The following SPCS3 variants were observed in gnomAD, a reference collection of about 807,000 sequenced individuals.
The protein encoded by SPCS3 is SPase 22 kDa subunit.
Under a neutral mutation model 17.2 loss-of-function variants are expected in SPCS3, and 9 were observed. That is an observed-to-expected ratio of 0.52 (90% confidence interval 0.31 to 0.91). The LOEUF is 0.91. Ranked by LOEUF, SPCS3 falls within the 40% of genes least tolerant of loss-of-function variation. The probability of loss-of-function intolerance (pLI) is 0.04; values close to 1 mark genes in which losing one functional copy is unlikely to be tolerated. For missense variants in SPCS3, 139 were observed against 217.5 expected (o/e 0.64, Z 2.27); for synonymous variants, 87 against 89.6 (o/e 0.97, Z 0.16).
At chr4:176,320,893 T>G (rs942240340) in intron 1 of SPCS3, 3 of 152,212 alleles carry the variant, frequency 2.0e-5, no homozygotes, top group African/African-American at 7.2e-5. Context: ...TTGGGTTTCT[T>G]TATTTCTTTT....
chr4:176,323,768 T>C (rs111259291), intron 2 of SPCS3, among the ~76,000 whole-genome samples: 4 of 152,278 alleles, frequency 2.6e-5, no homozygotes, highest in African/African-American at 7.2e-5. Flanking sequence ...TGTTTGCATA[T>C]TGTTAAATTT....
chr4:176,324,420 G>C (rs1731576802), intron 3 of SPCS3, among the ~76,000 whole-genome samples, 163 bp downstream of exon 3: 1 of 151,614 alleles, frequency 6.6e-6, no homozygotes, highest in Non-Finnish European at 1.5e-5. Flanking sequence ...GATCTTTTGG[G>C]AGCCTTTTTG....
intron 2 of SPCS3, 122 bp downstream of exon 2, chr4:176,322,365 C>A: frequency 1.6e-6 from 1 of 606,710 alleles, no homozygotes; most frequent in Non-Finnish European, 2.8e-6. Flanking sequence ...GGAAATTCCG[C>A]CTTTTTCATC....
chr4:176,320,504 C>T (rs959533177), intron 1 of SPCS3: 13 of 193,638 alleles, frequency 6.7e-5, no homozygotes, highest in Non-Finnish European at 1.2e-4. Context: ...GCTTCCTGTT[C>T]CTCACTTCCC....
At chr4:176,322,347 C>G (rs753627251) in intron 2 of SPCS3, 104 bp downstream of exon 2, 15 of 745,284 alleles carry the variant, frequency 2.0e-5, no homozygotes, top group Non-Finnish European at 3.0e-5. Context: ...TTGAATCAGC[C>G]AAACCTTGGA....
rs1731649941 is a variant in SPCS3, at chr4:176,329,193, GATA to G, written c.*872_*874del. The G allele has an allele frequency of 6.6e-6, 1 of 151,952 alleles. No individual in the cohort carries two copies. The highest frequency in any genetic ancestry group is 2.1e-4 in the South Asian group (1 of 4,828). The allele number at this position is 151,952 out of a possible 1,614,324, so 9.4% of individuals were successfully genotyped here. On this transcript the variant is annotated 3_prime_UTR_variant, in exon 5 of 5. Coordinates refer to ENST00000503362, the MANE Select transcript of SPCS3 (RefSeq NM_021928.4). ...AGGTCTATATTTTAATAATTATTGG[GATA>G]ATAATAATTGTGGTATGCTTTCCAT...
chr4:176,327,475 A>G, intron 4 of SPCS3, 198 bp downstream of exon 4: 1 of 373,742 alleles, frequency 2.7e-6, no homozygotes, highest in Non-Finnish European at 5.0e-6. Context: ...CAGTTTCTGA[A>G]ATGTCATAGT....
chr4:176,330,413 A>G lies in SPCS3; in HGVS notation c.*2083A>G, dbSNP rs1414688347. The G allele has an allele frequency of 1.3e-5, 2 of 152,184 alleles. No homozygotes were observed. Among genetic ancestry groups the G allele is most frequent in the African/African-American group, 4.8e-5 (2 of 41,442 alleles). The allele number at this position is 152,184 out of a possible 1,614,324, so 9.4% of individuals were successfully genotyped here. ...TTCATGATACTTCTGTGATGAGTGG[A>G]TCTGTTAGTCTGGTAGAGATTAATG... On this transcript the variant is annotated 3_prime_UTR_variant, in exon 5 of 5. Transcript: ENST00000503362.
Position 176,328,434 on chromosome 4 carries a change from G to GA in SPCS3, c.*104_*105insA. Reference sequence around the variant, plus strand: ...TATTGTTGGTTTGTTTTTTGGTTTTGGGTTTTTTTTTTTTTTTTTTTGGTA... The same window carrying GA: ...TATTGTTGGTTTGTTTTTTGGTTTTGAGGTTTTTTTTTTTTTTTTTTTGGTA... On this transcript the variant is annotated 3_prime_UTR_variant, in exon 5 of 5. Coordinates refer to ENST00000503362, the MANE Select transcript of SPCS3 (RefSeq NM_021928.4). The GA allele has an allele frequency of 1.2e-6, 1 of 849,446 alleles. No homozygotes were observed. Among genetic ancestry groups the GA allele is most frequent in the Non-Finnish European group, 1.5e-6 (1 of 647,654 alleles). The allele number at this position is 849,446 out of a possible 1,614,324, so 52.6% of individuals were successfully genotyped here. A position where few individuals can be genotyped will look rare whatever the true frequency, so the allele number is the denominator to read the frequency against.
chr4:176,330,900 A>C lies in SPCS3; in HGVS notation c.*2570A>C, dbSNP rs1049900373. The C allele has an allele frequency of 6.6e-6, 1 of 152,210 alleles. No homozygotes were observed. The highest frequency in any genetic ancestry group is 1.5e-5 in the Non-Finnish European group (1 of 68,034). 9.4% of individuals were successfully genotyped at this position (152,210 alleles called of 1,614,324 possible). On this transcript the variant is annotated 3_prime_UTR_variant, in exon 5 of 5. Coordinates refer to ENST00000503362, the MANE Select transcript of SPCS3 (RefSeq NM_021928.4). ...CACATATCCCTTTCTCTAACAGTTTAACCTAGACAAACATCTGTATCAGTA... is the reference window on the plus strand; with the variant it reads ...CACATATCCCTTTCTCTAACAGTTTCACCTAGACAAACATCTGTATCAGTA...
intron 1 of SPCS3, chr4:176,321,148 G>C (rs1731532470): frequency 6.6e-6 from 1 of 150,538 alleles, no homozygotes; most frequent in African/African-American, 2.4e-5. Context: ...CAAATAGCGA[G>C]CCTTCTCCCC....
intron 1 of SPCS3, chr4:176,320,486 C>T: frequency 4.6e-6 from 1 of 215,800 alleles, no homozygotes; most frequent in African/African-American, 2.3e-5. Context: ...AGGTCGGTGC[C>T]TCCGCTTGCT....
intron 3 of SPCS3, among the ~76,000 whole-genome samples, chr4:176,324,795 A>G (rs558874731): frequency 2.0e-4 from 30 of 152,362 alleles, no homozygotes; most frequent in Admixed American, 8.5e-4. Context: ...AGATAATGCT[A>G]ATAATCCATG....
chr4:176,320,404 C>A, intron 1 of SPCS3, 185 bp downstream of exon 1: 1 of 370,422 alleles, frequency 2.7e-6, no homozygotes, highest in Non-Finnish European at 4.5e-6. Context: ...TTTCCGGCGT[C>A]CCCTCGGAAC....
At position 176,324,199 on chromosome 4, in the gene SPCS3, A is replaced by C; in HGVS notation, c.236A>C (p.Asp79Ala). Residue 79 changes from aspartate to alanine, a missense_variant, in exon 3 of 5, where the codon GAT (aspartate) becomes GCT (alanine). Asp to Ala is a moderately radical substitution (Grantham distance 126). Coordinates refer to ENST00000503362, the MANE Select transcript of SPCS3 (RefSeq NM_021928.4). Reference protein sequence around the residue: ...DITADLENIFDWNVKQLFLYL... With the variant: ...DITADLENIFAWNVKQLFLYL... ...TACTTACATCTAGAGAATATATTTG[A>C]TTGGAATGTTAAGCAGTTGTTTCTT... 8.5e-7 allele frequency: 1 copy of C among 1,177,680 alleles called. No homozygotes were observed. Among genetic ancestry groups the C allele is most frequent in the Non-Finnish European group, 1.2e-6 (1 of 855,230 alleles). 73.0% of individuals were successfully genotyped at this position (1,177,680 alleles called of 1,614,324 possible).
rs1731700350 is a variant in SPCS3, at chr4:176,332,148, T to G, written c.*3818T>G. 6.6e-6 allele frequency: 1 copy of G among 152,306 alleles called. No homozygotes were observed. The highest frequency in any genetic ancestry group is 1.5e-5 in the Non-Finnish European group (1 of 68,080). The allele number at this position is 152,306 out of a possible 1,614,324, so 9.4% of individuals were successfully genotyped here. A position where few individuals can be genotyped will look rare whatever the true frequency, so the allele number is the denominator to read the frequency against. On this transcript the variant is annotated 3_prime_UTR_variant, in exon 5 of 5. Coordinates refer to ENST00000503362, the MANE Select transcript of SPCS3 (RefSeq NM_021928.4). ...CTCCTATACTAGACTGTAAGCTCTT[T>G]GAGGGCAGTCTGTCAGATTTATCTT...
chr4:176,322,922 A>AT (rs1731557337), intron 2 of SPCS3, among the ~76,000 whole-genome samples: 1 of 152,040 alleles, frequency 6.6e-6, no homozygotes, highest in Non-Finnish European at 1.5e-5. Context: ...GTTCTCTGCC[A>AT]TTTCTAGCCT....
Position 176,328,276 on chromosome 4 carries a change from A to C in SPCS3, c.489A>C (p.Ser163=), listed in dbSNP as rs760698142. ...NAGILPLVTG[S]GHVSVPFPDT... ...GAATTCTACCTCTTGTGACAGGATCAGGACACGTATCTGTCCCATTTCCAG... is the reference window on the plus strand; with the variant it reads ...GAATTCTACCTCTTGTGACAGGATCCGGACACGTATCTGTCCCATTTCCAG... The change falls in exon 5 of 5, where the codon TCA becomes TCC. Residue 163 remains serine (S), a synonymous_variant. Transcript: ENST00000503362. 6.2e-7 allele frequency: 1 copy of C among 1,612,756 alleles called. No individual in the cohort carries two copies. Among genetic ancestry groups the C allele is most frequent in the East Asian group, 2.2e-5 (1 of 44,828 alleles).
chr4:176,330,906 G>A lies in SPCS3; in HGVS notation c.*2576G>A, dbSNP rs1731677351. On this transcript the variant is annotated 3_prime_UTR_variant, in exon 5 of 5. Coordinates refer to ENST00000503362, the MANE Select transcript of SPCS3 (RefSeq NM_021928.4). The stretch of plus-strand genomic sequence containing the variant: ...TCCCTTTCTCTAACAGTTTAACCTA[G>A]ACAAACATCTGTATCAGTATTTTTT... 1 of 152,136 alleles carries A rather than the reference G, an allele frequency of 6.6e-6. No homozygotes were observed. Among genetic ancestry groups the A allele is most frequent in the Admixed American group, 6.5e-5 (1 of 15,276 alleles). 9.4% of individuals were successfully genotyped at this position (152,136 alleles called of 1,614,324 possible). A position where few individuals can be genotyped will look rare whatever the true frequency, so the allele number is the denominator to read the frequency against.
Sources: gnomAD v4.1 joint callset for allele counts (sites outside exome capture counted in the v4.1 genomes callset) on GRCh38, gnomAD v4.1.1 for gene constraint, MANE v1.5 for transcripts, NCBI Gene and HGNC (gene_info 2026-07-23, HGNC 2026-07-21) for gene names.